The following TIAM1 variants were observed in gnomAD, a reference collection of about 807,000 sequenced individuals.
The protein encoded by TIAM1 is rho guanine nucleotide exchange factor TIAM1.
A neutral mutation model predicts 163.5 loss-of-function variants in TIAM1; 65 were observed. The observed-to-expected ratio is 0.40, with a 90% CI of 0.33 to 0.49. TIAM1 has a LOEUF of 0.49. Among genes scored for constraint, TIAM1 ranks in the 20% least tolerant of loss-of-function variants. TIAM1 has a pLI of 0.77. For missense variants in TIAM1, 1,789 were observed against 2,044.7 expected, an observed-to-expected ratio of 0.87 and a Z score of 2.41; for synonymous variants, 833 against 810.1, an observed-to-expected ratio of 1.03 and a Z score of -0.48.
intron 2 of TIAM1, among the ~76,000 whole-genome samples, chr21:31,383,515 T>C (rs1456219825): frequency 1.3e-5 from 2 of 152,162 alleles, no homozygotes; most frequent in African/African-American, 4.8e-5. Flanking sequence ...TCACTCAACC[T>C]TACAAACAGG....
At chr21:31,217,752 C>G (rs1388277764) in intron 8 of TIAM1, 53 bp from the exon 9 acceptor site, 1 of 1,586,122 alleles carries the variant, frequency 6.3e-7, no homozygotes, top group East Asian at 2.2e-5. Flanking sequence ...GGACCACCCA[C>G]TTGTGCCTTG....
intron 2 of TIAM1, among the ~76,000 whole-genome samples, chr21:31,314,509 G>A (rs542810194): frequency 4.9e-4 from 75 of 152,224 alleles, no homozygotes; most frequent in African/African-American, 1.4e-3. Context: ...AGTAAAACAA[G>A]CTGCACATAC....
intron 12 of TIAM1, among the ~76,000 whole-genome samples, chr21:31,198,169 C>T (rs1271397573): frequency 6.6e-6 from 1 of 152,122 alleles, no homozygotes; most frequent in Non-Finnish European, 1.5e-5. Flanking sequence ...TGCCCGTATC[C>T]CTGACCACAC....
At chr21:31,367,074 T>C (rs866009488) in intron 2 of TIAM1, among the ~76,000 whole-genome samples, 13 of 151,568 alleles carry the variant, frequency 8.6e-5, no homozygotes, top group East Asian at 1.9e-4. Context: ...AGAAACATAA[T>C]TGCAATCCCA....
intron 1 of TIAM1, among the ~76,000 whole-genome samples, chr21:31,520,425 GAAT>G (rs2147493465): frequency 2.0e-5 from 3 of 152,060 alleles, no homozygotes; most frequent in South Asian, 4.2e-4. Flanking sequence ...AACTGTTTAA[GAAT>G]AATAGGTTTT....
chr21:31,230,083 C>A (rs1219464659), intron 6 of TIAM1, among the ~76,000 whole-genome samples: 1 of 152,206 alleles, frequency 6.6e-6, no homozygotes, highest in Non-Finnish European at 1.5e-5. Context: ...GGGCGGTCCA[C>A]ATCCATATCT....
intron 23 of TIAM1, 141 bp downstream of exon 23, chr21:31,135,792 G>T: frequency 1.4e-6 from 1 of 733,330 alleles, no homozygotes; most frequent in Non-Finnish European, 2.3e-6. Context: ...GTGAGATGTT[G>T]GTGGCTACGG....
intron 2 of TIAM1, among the ~76,000 whole-genome samples, chr21:31,445,838 T>G (rs1310138736): frequency 6.6e-6 from 1 of 152,136 alleles, no homozygotes; most frequent in African/African-American, 2.4e-5. Context: ...AAGGAGAGAT[T>G]GGGGTTTTGT....
chr21:31,469,079 C>CT (rs765505214), intron 1 of TIAM1, among the ~76,000 whole-genome samples: 11,174 of 110,874 alleles, frequency 0.1, 1,039 homozygotes, highest in East Asian at 0.49. Flanking sequence ...GAACCAATCC[C>CT]TTTTTTTTTT....
intron 2 of TIAM1, among the ~76,000 whole-genome samples, chr21:31,354,196 A>G (rs1295728686): frequency 6.6e-6 from 1 of 152,076 alleles, no homozygotes; most frequent in Non-Finnish European, 1.5e-5. Flanking sequence ...TCACAAAGTC[A>G]GAGGGCTGAG....
intron 22 of TIAM1, among the ~76,000 whole-genome samples, chr21:31,140,620 T>C (rs1342144587): frequency 6.6e-6 from 1 of 152,242 alleles, no homozygotes; most frequent in African/African-American, 2.4e-5. Context: ...GCACAACTTT[T>C]AGCTCACCTT....
chr21:31,530,976 C>T (rs917294203), intron 1 of TIAM1, among the ~76,000 whole-genome samples: 3 of 152,232 alleles, frequency 2.0e-5, no homozygotes, highest in South Asian at 2.1e-4. Context: ...CTGACTTACG[C>T]CCCACAGAGT....
chr21:31,136,102 G>T, intron 22 of TIAM1, 61 bp from the exon 23 acceptor site: 1 of 1,407,172 alleles, frequency 7.1e-7, no homozygotes, highest in Non-Finnish European at 9.9e-7. Context: ...AGATTTTCAT[G>T]ATGTTTGAAA....
intron 24 of TIAM1, 78 bp downstream of exon 24, chr21:31,130,812 T>C: frequency 1.4e-6 from 2 of 1,383,802 alleles, no homozygotes; most frequent in East Asian, 2.3e-5. Flanking sequence ...ACTGACAAAA[T>C]GGTAGAATTA....
chr21:31,347,815 T>C (rs1486233175), upstream of TIAM1, among the ~76,000 whole-genome samples: 4 of 142,654 alleles, frequency 2.8e-5, no homozygotes, highest in Non-Finnish European at 5.9e-5. Context: ...GACAACTTTA[T>C]GCACGAACGT....
At chr21:31,371,869 G>A (rs1450229342) in intron 2 of TIAM1, among the ~76,000 whole-genome samples, 1 of 152,184 alleles carries the variant, frequency 6.6e-6, no homozygotes, top group Non-Finnish European at 1.5e-5. Context: ...CTTCAGCCCG[G>A]CTGAGTCAAA....
chr21:31,223,032 T>C (rs1272115212), intron 8 of TIAM1, among the ~76,000 whole-genome samples: 1 of 151,960 alleles, frequency 6.6e-6, no homozygotes, highest in Non-Finnish European at 1.5e-5. Flanking sequence ...AATGCATTGA[T>C]GTATGAGAGT....
chr21:31,443,247 C>G (rs955689853), intron 2 of TIAM1, among the ~76,000 whole-genome samples: 6 of 152,128 alleles, frequency 3.9e-5, no homozygotes, highest in African/African-American at 1.4e-4. Flanking sequence ...AATAATTAAA[C>G]CCCCTAGTAA....
intron 2 of TIAM1, among the ~76,000 whole-genome samples, chr21:31,405,242 T>TCC (rs2077227438): frequency 6.6e-6 from 1 of 152,032 alleles, no homozygotes; most frequent in Non-Finnish European, 1.5e-5. Context: ...GGCAAGACCG[T>TCC]GTCTCAAAAA....
Sources: allele counts gnomAD v4.1 joint callset (sites outside exome capture counted in the v4.1 genomes callset), GRCh38; gene constraint gnomAD v4.1.1; transcripts MANE v1.5; gene names NCBI Gene and HGNC (gene_info 2026-07-23, HGNC 2026-07-21).